CRADD: variants seen among roughly 807,000 people sequenced by gnomAD.
The protein encoded by CRADD is death domain-containing protein CRADD.
A neutral mutation model predicts 15.5 loss-of-function variants in CRADD; 9 were observed. The observed-to-expected ratio is 0.58, with a 90% confidence interval of 0.35 to 1.01. The LOEUF (loss-of-function observed/expected upper bound fraction) is 1.01, where lower values mean the gene tolerates loss of function less well. CRADD is among the 50% of genes least tolerant of loss of function. The probability of loss-of-function intolerance (pLI) is 0.02; values close to 1 mark genes in which losing one functional copy is unlikely to be tolerated. For synonymous variants in CRADD, 118 were observed against 107.6 expected (o/e 1.10, Z -0.60); for missense variants, 227 against 250.3 (o/e 0.91, Z 0.63).
intron 2 of CRADD, among the ~76,000 whole-genome samples, chr12:93,848,131 G>A (rs1361231357): frequency 9.3e-5 from 14 of 151,330 alleles, no homozygotes; most frequent in Admixed American, 9.2e-4. Flanking sequence ...TTTCTTCTTT[G>A]CGCTGTTTTC....
chr12:93,748,769 G>A (rs76605597), intron 2 of CRADD, among the ~76,000 whole-genome samples: 2,124 of 152,334 alleles, frequency 0.014, 47 homozygotes, highest in African/African-American at 0.048. Flanking sequence ...AAGACTTAGA[G>A]GTTTCTGGAA....
chr12:93,877,913 CAGA>C lies in CRADD; in HGVS notation c.299-16134_299-16132del, dbSNP rs558369135. 4.3e-4 allele frequency among the ~76,000 whole-genome samples: 65 copies of C among 152,228 alleles called. 1 individual carries two copies. The South Asian group carries it at 0.013, about 31-fold the overall frequency. On this transcript the variant is annotated intron_variant, in intron 2 of 2. Coordinates refer to the CRADD transcript ENST00000548483. ...TGCTTTTCCCTCTGCTTTTCTCAAG[CAGA>C]AGGAGTTTTGTCCCACAGCCACCAC... is the stretch of plus-strand genomic sequence containing the variant.
intron 2 of CRADD, among the ~76,000 whole-genome samples, chr12:93,730,524 T>C (rs1956444961): frequency 6.6e-6 from 1 of 152,222 alleles, no homozygotes; most frequent in South Asian, 2.1e-4. Context: ...ATACAGTCTT[T>C]CTACTTCTAA....
intron 2 of CRADD, among the ~76,000 whole-genome samples, chr12:93,752,932 G>A (rs765725668): frequency 3.3e-5 from 5 of 152,160 alleles, no homozygotes; most frequent in Non-Finnish European, 7.3e-5. Context: ...AGAGAAGAGA[G>A]CTTGTGCAGG....
chr12:93,870,055 T>A (rs1417031894), intron 2 of CRADD, among the ~76,000 whole-genome samples: 1 of 152,018 alleles, frequency 6.6e-6, no homozygotes, highest in African/African-American at 2.4e-5. Flanking sequence ...AAAAGACACA[T>A]TTAATACGTG....
rs753259148 is a variant in CRADD, at chr12:93,679,070, C to T, written c.296C>T (p.Ala99Val). ...AREEAMTDLP[A>V]GDRLTGIPSH... ...GAAGAGGCCATGACCGACCTGCCTG[C>T]AGGTAGGCCTCAGAAAGATCACTTT... The change falls in exon 2 of 3, where the codon GCA (alanine) becomes GTA (valine). Residue 99 changes from alanine to valine, a missense_variant and splice_region_variant. Transcript: ENST00000332896. The T allele has an allele frequency of 6.2e-7, 1 of 1,610,542 alleles. No homozygotes were observed. The highest frequency in any genetic ancestry group is 8.5e-7 in the Non-Finnish European group (1 of 1,177,592).
chr12:93,859,305 G>C (rs1051441212), intron 2 of CRADD: 7 of 455,204 alleles, frequency 1.5e-5, no homozygotes, highest in South Asian at 1.1e-4. Flanking sequence ...TGGTTAACTT[G>C]TCTTTTGTTA....
intron 2 of CRADD, among the ~76,000 whole-genome samples, chr12:93,775,772 T>A (rs1419646623): frequency 6.6e-6 from 1 of 152,144 alleles, no homozygotes; most frequent in Non-Finnish European, 1.5e-5. Flanking sequence ...AAACAGGTGA[T>A]GTTCATTTTC....
chr12:93,680,738 C>G (rs955565722), intron 2 of CRADD, among the ~76,000 whole-genome samples: 1 of 152,124 alleles, frequency 6.6e-6, no homozygotes, highest in Non-Finnish European at 1.5e-5. Flanking sequence ...TGATATTTGA[C>G]TTAGAGGTTT....
At chr12:93,838,881 C>A (rs1958014891) in intron 2 of CRADD, among the ~76,000 whole-genome samples, 1 of 151,918 alleles carries the variant, frequency 6.6e-6, no homozygotes, top group African/African-American at 2.4e-5. Context: ...ACCTCAGCCT[C>A]CCCACCGAGC....
At chr12:93,723,940 G>GA (rs1275139809) in intron 2 of CRADD, among the ~76,000 whole-genome samples, 1 of 152,198 alleles carries the variant, frequency 6.6e-6, no homozygotes, top group African/African-American at 2.4e-5. Context: ...TAGGCTGTGG[G>GA]AAAATCCACT....
intron 2 of CRADD, among the ~76,000 whole-genome samples, chr12:93,804,037 C>T (rs554064324): frequency 2.0e-5 from 3 of 152,152 alleles, no homozygotes; most frequent in African/African-American, 7.2e-5. Context: ...CAAAAGGGAG[C>T]ACAGGTCTCA....
chr12:93,789,082 ATTTTTTAATCT>A (rs1957320281), intron 2 of CRADD, among the ~76,000 whole-genome samples: 2 of 151,240 alleles, frequency 1.3e-5, no homozygotes, highest in Non-Finnish European at 2.9e-5. Context: ...CCTTTTTTTT[ATTTTTTAATCT>A]CCCCTGCCCC....
intron 2 of CRADD, among the ~76,000 whole-genome samples, chr12:93,826,468 C>T (rs1484477847): frequency 6.6e-6 from 1 of 152,202 alleles, no homozygotes. Flanking sequence ...CCCAAGTCTT[C>T]CTGTGATTTA....
At chr12:93,690,118 G>C (rs1441715862) in intron 2 of CRADD, among the ~76,000 whole-genome samples, 1 of 152,192 alleles carries the variant, frequency 6.6e-6, no homozygotes, top group Non-Finnish European at 1.5e-5. Flanking sequence ...GGGGATCTCA[G>C]GCCATCAGAT....
At chr12:93,765,678 A>C (rs1055836716) in intron 2 of CRADD, among the ~76,000 whole-genome samples, 2 of 152,266 alleles carry the variant, frequency 1.3e-5, no homozygotes, top group African/African-American at 2.4e-5. Flanking sequence ...TGGTAACAAG[A>C]TGCTAGACTG....
chr12:93,719,249 C>CA (rs1956217379), intron 2 of CRADD, among the ~76,000 whole-genome samples: 1 of 152,124 alleles, frequency 6.6e-6, no homozygotes, highest in South Asian at 2.1e-4. Flanking sequence ...GATTAGATTA[C>CA]ATTTATTGAT....
intron 2 of CRADD, among the ~76,000 whole-genome samples, chr12:93,890,409 T>C (rs1392324124): frequency 6.6e-6 from 1 of 152,240 alleles, no homozygotes; most frequent in Non-Finnish European, 1.5e-5. Context: ...GGCTAGAAAT[T>C]GGGATTTTTA....
intron 2 of CRADD, among the ~76,000 whole-genome samples, chr12:93,860,394 A>G (rs945145651): frequency 2.6e-5 from 4 of 152,224 alleles, no homozygotes; most frequent in Non-Finnish European, 4.4e-5. Flanking sequence ...AATTCATTCA[A>G]AGTGTACTTT....
Sources: gnomAD v4.1 joint callset for allele counts (sites outside exome capture counted in the v4.1 genomes callset) on GRCh38, gnomAD v4.1.1 for gene constraint, MANE v1.5 for transcripts, NCBI Gene and HGNC (gene_info 2026-07-23, HGNC 2026-07-21) for gene names.